SESTD1: variants seen among roughly 807,000 people sequenced by gnomAD.
The protein encoded by SESTD1 is SEC14 domain and spectrin repeat-containing protein 1.
A neutral mutation model predicts 101.7 loss-of-function variants in SESTD1; 43 were observed. That is an observed-to-expected ratio of 0.42 (90% CI 0.33 to 0.55). The LOEUF (loss-of-function observed/expected upper bound fraction) is 0.55, where lower values mean the gene tolerates loss of function less well. Ranked by LOEUF, SESTD1 falls within the 20% of genes least tolerant of loss-of-function variation. SESTD1 has a pLI of 0.07. For synonymous variants in SESTD1, 283 were observed against 286.8 expected (o/e 0.99, Z 0.13); for missense variants, 647 against 815.1 (o/e 0.79, Z 2.51).
At chr2:179,116,604 A>G (rs143932094) in intron 15 of SESTD1, 64 bp downstream of exon 15, 1 of 1,612,078 alleles carries the variant, frequency 6.2e-7, no homozygotes, top group East Asian at 2.2e-5. Flanking sequence ...AAGTTACATT[A>G]TAATCATGCA....
At chr2:179,121,179 T>C (rs1360510533) in intron 13 of SESTD1, among the ~76,000 whole-genome samples, 1 of 152,240 alleles carries the variant, frequency 6.6e-6, no homozygotes, top group East Asian at 1.9e-4. Flanking sequence ...GTGTGCAAAA[T>C]TTCATATAAC....
At chr2:179,150,689 G>A (rs1409104776) in intron 6 of SESTD1, among the ~76,000 whole-genome samples, 3 of 151,956 alleles carry the variant, frequency 2.0e-5, no homozygotes, top group East Asian at 1.9e-4. Flanking sequence ...GCGTGGTGGC[G>A]CGTGCCTGTA....
intron 1 of SESTD1, among the ~76,000 whole-genome samples, chr2:179,251,619 G>A (rs936887567): frequency 6.6e-6 from 1 of 152,170 alleles, no homozygotes; most frequent in East Asian, 1.9e-4. Flanking sequence ...GAATGTTTGT[G>A]TCCTCCCCCA....
chr2:179,243,921 T>TAA (rs1189467518), intron 1 of SESTD1, among the ~76,000 whole-genome samples: 3 of 145,922 alleles, frequency 2.1e-5, no homozygotes, highest in African/African-American at 5.2e-5. Flanking sequence ...TTTAAATTAT[T>TAA]AAAAATATAT....
chr2:179,111,062 C>T lies in SESTD1; in HGVS notation c.1962-1034G>A, dbSNP rs568933959. On this transcript the variant is annotated intron_variant, in intron 17 of 17. Coordinates refer to ENST00000428443, the MANE Select transcript of SESTD1 (RefSeq NM_178123.5). ...AGGCTGACATGGGTAGAACAGGAGA[C>T]TGACTGTGTGACAACTGGCTGTGAA... Among the ~76,000 whole-genome samples, 143 of 152,178 alleles carry T rather than the reference C, an allele frequency of 9.4e-4. 1 individual carries two copies. Among genetic ancestry groups the T allele is most frequent in the African/African-American group, 3.2e-3 (131 of 41,518 alleles).
chr2:179,203,879 C>A (rs2046555922), intron 1 of SESTD1, among the ~76,000 whole-genome samples: 1 of 133,778 alleles, frequency 7.5e-6, no homozygotes, highest in Non-Finnish European at 1.6e-5. Context: ...CCAGCCTGGG[C>A]AACATAGCAA....
intron 2 of SESTD1, among the ~76,000 whole-genome samples, chr2:179,187,117 G>GTTCTT (rs142899024): frequency 0.02 from 3,065 of 152,206 alleles, 91 homozygotes; most frequent in African/African-American, 0.067. Context: ...CCTTAAGGGA[G>GTTCTT]TTCTAAATAT....
chr2:179,120,585 G>A (rs1035048566), intron 13 of SESTD1, among the ~76,000 whole-genome samples: 11 of 152,180 alleles, frequency 7.2e-5, no homozygotes, highest in African/African-American at 2.2e-4. Flanking sequence ...AGATGAAATC[G>A]AAAAGTCAGT....
intron 1 of SESTD1, among the ~76,000 whole-genome samples, chr2:179,238,040 TA>T (rs1446968993): frequency 6.6e-6 from 1 of 152,198 alleles, no homozygotes; most frequent in Non-Finnish European, 1.5e-5. Context: ...GCAATTAACA[TA>T]TATTTTGTAT....
rs1246903092 is a variant in SESTD1, at chr2:179,236,014, G to GTGAGGATGAGTACCCAT, written c.-26+28468_-26+28484dup. 4.6e-5 allele frequency among the ~76,000 whole-genome samples: 7 copies of GTGAGGATGAGTACCCAT among 152,128 alleles called. No homozygotes were observed. In the East Asian group the frequency reaches 1.4e-3, roughly 29 times the overall value. On this transcript the variant is annotated intron_variant, in intron 1 of 17. Transcript: ENST00000428443. ...AACCTTCCCTGACACAACACTCAAG[G>GTGAGGATGAGTACCCAT]TGAGGATGAGTACCCATTCTCTCCC...
intron 4 of SESTD1, among the ~76,000 whole-genome samples, chr2:179,173,766 C>T (rs2045964643): frequency 6.6e-6 from 1 of 152,132 alleles, no homozygotes; most frequent in Admixed American, 6.6e-5. Flanking sequence ...ATTGCTACCA[C>T]TCGGTTCTGT....
intron 15 of SESTD1, among the ~76,000 whole-genome samples, chr2:179,115,491 T>C (rs1347167267): frequency 1.3e-5 from 2 of 152,160 alleles, no homozygotes; most frequent in East Asian, 1.9e-4. Flanking sequence ...TTCATGCCTG[T>C]AATCCCAGCA....
intron 15 of SESTD1, 55 bp from the exon 16 acceptor site, chr2:179,115,311 T>TGGG (rs1559096240): frequency 1.5e-6 from 2 of 1,352,434 alleles, no homozygotes; most frequent in East Asian, 5.0e-5. Flanking sequence ...AAGAGAAGGA[T>TGGG]GGGGAAAGTG....
chr2:179,146,137 T>C (rs1374791740), intron 8 of SESTD1, among the ~76,000 whole-genome samples: 1 of 151,426 alleles, frequency 6.6e-6, no homozygotes, highest in African/African-American at 2.4e-5. Flanking sequence ...TATTGTGAAC[T>C]ATGCACGCGA....
chr2:179,237,150 C>T (rs902555623), intron 1 of SESTD1, among the ~76,000 whole-genome samples: 1 of 151,518 alleles, frequency 6.6e-6, no homozygotes, highest in Non-Finnish European at 1.5e-5. Context: ...ATTACAGGGA[C>T]AAATGAAATT....
chr2:179,169,282 A>G (rs1347255985), intron 5 of SESTD1, among the ~76,000 whole-genome samples: 2 of 152,174 alleles, frequency 1.3e-5, no homozygotes, highest in African/African-American at 4.8e-5. Flanking sequence ...AATCAACAGA[A>G]TGCTGGAGTA....
chr2:179,165,600 T>C (rs2045821220), intron 5 of SESTD1, among the ~76,000 whole-genome samples: 1 of 152,218 alleles, frequency 6.6e-6, no homozygotes, highest in African/African-American at 2.4e-5. Flanking sequence ...CTCACCATGC[T>C]CCTGACTCTT....
chr2:179,115,163 G>A lies in SESTD1; in HGVS notation c.1741C>T (p.Pro581Ser). Reference sequence around the variant, plus strand: ...TGTTTCCATACTCTGTTCAGTCGAGGAAGTGTATCCCCAGATGACCGAGAA... The same window carrying A: ...TGTTTCCATACTCTGTTCAGTCGAGAAAGTGTATCCCCAGATGACCGAGAA... ...CTSRSSGDTLPRLNRVWKQFT... is the reference protein window; with the variant it reads ...CTSRSSGDTLSRLNRVWKQFT... The change falls in exon 16 of 18, where the codon CCT (proline) becomes TCT (serine). Residue 581 changes from proline (P) to serine (S), a missense_variant. Pro to Ser is a moderately conservative substitution (Grantham distance 74). Coordinates refer to ENST00000428443, the MANE Select transcript of SESTD1 (RefSeq NM_178123.5). The A allele has an allele frequency of 6.2e-7, 1 of 1,614,024 alleles. No homozygotes were observed. Among genetic ancestry groups the A allele is most frequent in the African/African-American group, 1.3e-5 (1 of 75,046 alleles).
rs144325519 is a variant in SESTD1 at position 179,161,373 on chromosome 2, T to C, written c.370-9982A>G. Among the ~76,000 whole-genome samples, 25 of 152,322 alleles carry C rather than the reference T, an allele frequency of 1.6e-4. No individual in the cohort carries two copies. In the East Asian group the frequency reaches 4.1e-3, roughly 25 times the overall value. On this transcript the variant is annotated intron_variant, in intron 5 of 17. Coordinates refer to ENST00000428443, the MANE Select transcript of SESTD1 (RefSeq NM_178123.5). Reference sequence around the variant, plus strand: ...ATCATTTATAAAGTTACCTTTCATGTTGAATTTTAAGATTACACATACATC... The same window carrying C: ...ATCATTTATAAAGTTACCTTTCATGCTGAATTTTAAGATTACACATACATC...
Sources: allele counts gnomAD v4.1 joint callset (sites outside exome capture counted in the v4.1 genomes callset), GRCh38; gene constraint gnomAD v4.1.1; transcripts MANE v1.5; gene names NCBI Gene and HGNC (gene_info 2026-07-23, HGNC 2026-07-21).